Variants in DRD3 observed in about 807,000 individuals in gnomAD.
The protein encoded by DRD3 is D(3) dopamine receptor.
In DRD3, 19 loss-of-function variants were observed where a neutral mutation model predicts 36.3. The ratio of observed to expected loss-of-function variants is 0.52; its 90% confidence interval spans 0.36 to 0.77. The LOEUF (loss-of-function observed/expected upper bound fraction) is 0.77. Ranked by LOEUF, DRD3 falls within the 30% of genes least tolerant of loss-of-function variation. The pLI, the probability that DRD3 is intolerant of heterozygous loss-of-function variation, is 0.00. For missense variants in DRD3, 465 were observed against 505.3 expected (o/e 0.92, Z 0.77); for synonymous variants, 195 against 203.7 (o/e 0.96, Z 0.36).
chr3:114,174,256 G>A (rs1319442667), intron 1 of DRD3, among the ~76,000 whole-genome samples: 1 of 152,262 alleles, frequency 6.6e-6, no homozygotes, highest in African/African-American at 2.4e-5. Context: ...TTTAAGGCAG[G>A]CTGAGGCCCA....
Position 114,139,680 on chromosome 3 carries a change from G to A in DRD3, c.543C>T (p.Cys181=). 6.2e-7 allele frequency: 1 copy of A among 1,614,130 alleles called. No homozygotes were observed. The highest frequency in any genetic ancestry group is 8.5e-7 in the Non-Finnish European group (1 of 1,180,002). The change falls in exon 5 of 7, where the codon TGC becomes TGT. Residue 181 remains cysteine (C), a synonymous_variant. Coordinates refer to ENST00000383673, the MANE Select transcript of DRD3 (RefSeq NM_000796.6). ...GFNTTGDPTV[C]SISNPDFVIY... ...TGACAAAATCAGGGTTGGAGATGGA[G>A]CAGACAGTGGGGTCCCCTGTGGATG...
At chr3:114,160,340 C>T (rs2077721024) in intron 2 of DRD3, among the ~76,000 whole-genome samples, 1 of 152,024 alleles carries the variant, frequency 6.6e-6, no homozygotes, top group African/African-American at 2.4e-5. Flanking sequence ...TCCACCTCCC[C>T]AGTTCAAGTG....
At chr3:114,188,475 G>A (rs759952193) in intron 1 of DRD3, among the ~76,000 whole-genome samples, 3 of 152,122 alleles carry the variant, frequency 2.0e-5, no homozygotes, top group Non-Finnish European at 4.4e-5. Flanking sequence ...GCCTCCTAAA[G>A]TGCTGGGATT....
intron 2 of DRD3, 79 bp downstream of exon 2, chr3:114,171,644 T>G: frequency 6.9e-7 from 1 of 1,444,472 alleles, no homozygotes. Context: ...GGGAGTCTTT[T>G]GAGCCCCAAA....
intron 3 of DRD3, among the ~76,000 whole-genome samples, chr3:114,150,296 A>G (rs553229379): frequency 4.5e-4 from 68 of 152,328 alleles, no homozygotes; most frequent in African/African-American, 1.5e-3. Context: ...TTAATCTCAG[A>G]TGAACTTTCC....
chr3:114,140,455 A>G (rs28419745), intron 4 of DRD3, among the ~76,000 whole-genome samples: 11,306 of 152,274 alleles, frequency 0.074, 893 homozygotes, highest in African/African-American at 0.2. Context: ...TCCAAGGCCC[A>G]AGATGGGCCT....
intron 1 of DRD3, among the ~76,000 whole-genome samples, chr3:114,173,543 T>A (rs1313445650): frequency 6.6e-6 from 1 of 152,074 alleles, no homozygotes; most frequent in Non-Finnish European, 1.5e-5. Flanking sequence ...TGGGGCCAAG[T>A]GGTGGCTTTC....
At chr3:114,158,025 C>T (rs1314088339) in intron 3 of DRD3, among the ~76,000 whole-genome samples, 1 of 151,984 alleles carries the variant, frequency 6.6e-6, no homozygotes, top group Non-Finnish European at 1.5e-5. Flanking sequence ...TCACTTGAAC[C>T]CGGGAGGTGG....
chr3:114,144,892 A>G (rs1281053558), intron 4 of DRD3, among the ~76,000 whole-genome samples: 3 of 152,178 alleles, frequency 2.0e-5, no homozygotes, highest in African/African-American at 7.2e-5. Flanking sequence ...TATACTTAAA[A>G]ATCCTTTTGG....
At chr3:114,129,065 G>T (rs111980239) in intron 6 of DRD3, among the ~76,000 whole-genome samples, 153 bp from the exon 7 acceptor site, 2 of 152,080 alleles carry the variant, frequency 1.3e-5, no homozygotes, top group Admixed American at 6.6e-5. Context: ...ACCCTAGGCC[G>T]GGTGTGGTGG....
intron 4 of DRD3, among the ~76,000 whole-genome samples, chr3:114,145,340 CTG>C (rs1289042961): frequency 6.6e-6 from 1 of 152,164 alleles, no homozygotes; most frequent in Admixed American, 6.5e-5. Context: ...GCCTCTGTAG[CTG>C]TGTTAAGGGA....
intron 1 of DRD3, among the ~76,000 whole-genome samples, chr3:114,177,477 A>T (rs551077929): frequency 6.6e-6 from 1 of 152,176 alleles, no homozygotes; most frequent in African/African-American, 2.4e-5. Flanking sequence ...GAGACTGAGC[A>T]TCCTACCATT....
rs185063223 is a variant in DRD3, at chr3:114,130,452, T to C, written c.1006+666A>G. Among the ~76,000 whole-genome samples, 693 of 142,442 alleles carry C rather than the reference T, an allele frequency of 4.9e-3. 12 individuals carry two copies. Among genetic ancestry groups the C allele is most frequent in the Non-Finnish European group, 4.3e-3 (287 of 66,234 alleles). 93.4% of individuals were successfully genotyped at this position (142,442 alleles called of 152,430 possible). On this transcript the variant is annotated intron_variant, in intron 6 of 6. Transcript: ENST00000383673. ...TTTTTTTTTTTTTTTTGAGATGGAG[T>C]CTTGCTCTGTCGCCCAGGCTGGAGT...
chr3:114,131,027 C>G lies in DRD3; in HGVS notation c.1006+91G>C, dbSNP rs1001703578. 6.4e-6 allele frequency: 9 copies of G among 1,402,582 alleles called. No homozygotes were observed. In the Admixed American group the frequency reaches 1.5e-4, roughly 24 times the overall value. The allele number at this position is 1,402,582 out of a possible 1,614,324, so 86.9% of individuals were successfully genotyped here. A position where few individuals can be genotyped will look rare whatever the true frequency, so the allele number is the denominator to read the frequency against. On this transcript the variant is annotated intron_variant, in intron 6 of 6. Transcript: ENST00000383673. ...GTGAACATTTGATAAGTATTACTGT[C>G]ATCAAATTTCCGATAGCATCTTCTA...
At chr3:114,135,716 G>C (rs1384857337) in intron 5 of DRD3, among the ~76,000 whole-genome samples, 5 of 151,930 alleles carry the variant, frequency 3.3e-5, no homozygotes, top group Non-Finnish European at 7.4e-5. Context: ...TTGAGATGGA[G>C]TTTCCCTCTG....
chr3:114,180,096 G>A (rs1027606076), upstream of DRD3, among the ~76,000 whole-genome samples: 11 of 151,870 alleles, frequency 7.2e-5, no homozygotes, highest in African/African-American at 2.7e-4. Context: ...AACCACTATG[G>A]TATAGTCTTC....
At chr3:114,178,622 G>A (rs759059024) in intron 1 of DRD3, 35 bp downstream of exon 1, 1 of 152,052 alleles carries the variant, frequency 6.6e-6, no homozygotes, top group Non-Finnish European at 1.5e-5. Flanking sequence ...AAAATACTAT[G>A]TCCTAAATTA....
intron 3 of DRD3, among the ~76,000 whole-genome samples, chr3:114,153,801 T>C (rs1027118786): frequency 6.6e-6 from 1 of 151,800 alleles, no homozygotes; most frequent in African/African-American, 2.4e-5. Flanking sequence ...CAAGCTCACC[T>C]ACCCATTCTA....
intron 1 of DRD3, among the ~76,000 whole-genome samples, chr3:114,195,531 C>T (rs574294048): frequency 1.3e-5 from 2 of 152,152 alleles, no homozygotes; most frequent in South Asian, 4.2e-4. Flanking sequence ...AACTAAGTTC[C>T]ATAGTACTCT....
Sources: allele counts gnomAD v4.1 joint callset (sites outside exome capture counted in the v4.1 genomes callset), GRCh38; gene constraint gnomAD v4.1.1; transcripts MANE v1.5; gene names NCBI Gene and HGNC (gene_info 2026-07-23, HGNC 2026-07-21).